TRIM14: variants seen among roughly 807,000 people sequenced by gnomAD.
TRIM14 encodes tripartite motif containing 14, also known as tripartite motif-containing protein 14.
TRIM14 carries 28 observed loss-of-function variants against 44.5 expected under a neutral mutation model. The observed-to-expected ratio is 0.63, with a 90% confidence interval of 0.47 to 0.86. The LOEUF is 0.86. Among genes scored for constraint, TRIM14 ranks in the 40% least tolerant of loss-of-function variants. The pLI is 0.00. For synonymous variants in TRIM14, 299 were observed against 269.2 expected, an observed-to-expected ratio of 1.11 and a Z score of -1.08; for missense variants, 607 against 611.1, an observed-to-expected ratio of 0.99 and a Z score of 0.07.
chr9:98,107,628 G>A (rs1048838732), intron 2 of TRIM14, among the ~76,000 whole-genome samples: 2 of 151,886 alleles, frequency 1.3e-5, no homozygotes, highest in African/African-American at 4.8e-5. Context: ...GGGATTGGTC[G>A]GGGGGATACA....
chr9:98,097,412 CCT>C (rs1410509396), intron 3 of TRIM14, among the ~76,000 whole-genome samples: 1 of 152,126 alleles, frequency 6.6e-6, no homozygotes, highest in African/African-American at 2.4e-5. Context: ...TCCTGTCTGT[CCT>C]CTCTGCGTCC....
chr9:98,101,464 C>T lies in TRIM14; in HGVS notation c.304-1300G>A, dbSNP rs148492263. Among the ~76,000 whole-genome samples the T allele has an allele frequency of 1.2e-3, 172 of 149,104 alleles. 1 individual carries two copies. Among genetic ancestry groups the T allele is most frequent in the Admixed American group, 3.5e-3 (52 of 14,856 alleles). ...TTTTCAGACGAAGTTTTGCTCTTGTCGCCTAGGCTGGAGTGCAATGGCAAG... is the reference window on the plus strand; with the variant it reads ...TTTTCAGACGAAGTTTTGCTCTTGTTGCCTAGGCTGGAGTGCAATGGCAAG... On this transcript the variant is annotated intron_variant, in intron 2 of 5. Coordinates refer to ENST00000341469, the MANE Select transcript of TRIM14 (RefSeq NM_014788.4).
the TRIM14 span, among the ~76,000 whole-genome samples, chr9:98,047,984 G>A: frequency 4.0e-5 from 6 of 151,312 alleles, no homozygotes; most frequent in Non-Finnish European, 7.4e-5. Flanking sequence ...AGAATCGCTT[G>A]AACCCAGAAG....
downstream of TRIM14, among the ~76,000 whole-genome samples, chr9:98,080,357 G>A (rs552778925): frequency 1.3e-5 from 2 of 152,280 alleles, no homozygotes; most frequent in Admixed American, 1.3e-4. Flanking sequence ...ATAGATAACG[G>A]ATTAATTATT....
intron 6 of TRIM14, among the ~76,000 whole-genome samples, chr9:98,072,642 C>A (rs1829393218): frequency 6.6e-6 from 1 of 152,100 alleles, no homozygotes; most frequent in South Asian, 2.1e-4. Flanking sequence ...AACTCCTGAC[C>A]TCATGATCCA....
intron 2 of TRIM14, among the ~76,000 whole-genome samples, chr9:98,106,127 T>C (rs1826601369): frequency 6.6e-6 from 1 of 152,142 alleles, no homozygotes; most frequent in African/African-American, 2.4e-5. Flanking sequence ...TGGACATCTA[T>C]GGTAAATAGC....
At chr9:98,061,550 G>A in the TRIM14 span, among the ~76,000 whole-genome samples, 1 of 150,358 alleles carries the variant, frequency 6.7e-6, no homozygotes, top group South Asian at 2.1e-4. Flanking sequence ...GGGAGGCTGA[G>A]ACAGGCAGGT....
At chr9:98,050,601 C>T in the TRIM14 span, among the ~76,000 whole-genome samples, 1 of 152,098 alleles carries the variant, frequency 6.6e-6, no homozygotes, top group Non-Finnish European at 1.5e-5. Context: ...ACAATGGCCT[C>T]CCCTAATTTT....
chr9:98,110,362 C>A (rs1564189168), intron 1 of TRIM14: 4 of 211,522 alleles, frequency 1.9e-5, no homozygotes, highest in Non-Finnish European at 3.9e-5. Context: ...ATGTGCTGGG[C>A]CCTGTTCCAG....
chr9:98,101,813 T>G (rs1826403409), intron 2 of TRIM14, among the ~76,000 whole-genome samples: 2 of 152,046 alleles, frequency 1.3e-5, no homozygotes. Context: ...TGAAGATTTG[T>G]GTACCAAGAT....
the TRIM14 span, among the ~76,000 whole-genome samples, chr9:98,057,902 GTT>G: frequency 3.2e-3 from 295 of 93,254 alleles, 3 homozygotes; most frequent in African/African-American, 9.1e-3. Context: ...TTCTCTTACT[GTT>G]TTTTTTTTTT....
At chr9:98,045,305 G>A in the TRIM14 span, among the ~76,000 whole-genome samples, 1 of 152,154 alleles carries the variant, frequency 6.6e-6, no homozygotes, top group Admixed American at 6.5e-5. Context: ...GTCATCTCTG[G>A]TATCTCTTGT....
At chr9:98,092,864 G>A (rs1826049183) in intron 4 of TRIM14, among the ~76,000 whole-genome samples, 1 of 152,118 alleles carries the variant, frequency 6.6e-6, no homozygotes, top group Non-Finnish European at 1.5e-5. Context: ...CTTCCACCAC[G>A]TGGCTGTGCT....
chr9:98,100,124 A>T lies in TRIM14; in HGVS notation c.344T>A (p.Phe115Tyr). Reference sequence around the variant, plus strand: ...GTCAAGTAGTAATCTGAGTTCAGTGAATTTCCCCTTCAGCCAGGTTTTACT... The same window carrying T: ...GTCAAGTAGTAATCTGAGTTCAGTGTATTTCCCCTTCAGCCAGGTTTTACT... ...ESSKTWLKGK[F>Y]TELRLLLDEE... Residue 115 changes from phenylalanine to tyrosine, a missense_variant, in exon 3 of 6, where the codon TTC (phenylalanine) becomes TAC (tyrosine). Physicochemically the swap from Phe to Tyr is conservative, Grantham distance 22 (BLOSUM62 3). Transcript: ENST00000341469. The T allele has an allele frequency of 1.2e-6, 2 of 1,614,172 alleles. No homozygotes were observed. The highest frequency in any genetic ancestry group is 8.5e-7 in the Non-Finnish European group (1 of 1,180,042).
chr9:98,042,797 G>A, the TRIM14 span, among the ~76,000 whole-genome samples: 1 of 151,648 alleles, frequency 6.6e-6, no homozygotes, highest in Non-Finnish European at 1.5e-5. Flanking sequence ...TTGAACCTGG[G>A]AGATGGAGGT....
At chr9:98,038,646 G>T in the TRIM14 span, among the ~76,000 whole-genome samples, 4 of 151,998 alleles carry the variant, frequency 2.6e-5, no homozygotes, top group African/African-American at 4.8e-5. Flanking sequence ...ATACAAAACT[G>T]CAATAGCTTT....
chr9:98,053,836 T>TAAATAAATAAATAG, the TRIM14 span, among the ~76,000 whole-genome samples: 1 of 68,882 alleles, frequency 1.5e-5, no homozygotes, highest in Non-Finnish European at 3.1e-5. Context: ...TAAATAAATA[T>TAAATAAATAAATAG]CATCCTTTTC....
Position 98,092,000 on chromosome 9 carries a change from G to T in TRIM14, c.702C>A (p.Ser234Arg). The change falls in exon 5 of 6, where the codon AGC becomes AGA. Residue 234 changes from serine (S) to arginine (R), a missense_variant and splice_region_variant. Ser to Arg is a moderately radical substitution (Grantham distance 110, BLOSUM62 -1). Coordinates refer to ENST00000341469, the MANE Select transcript of TRIM14 (RefSeq NM_014788.4). ...AAGGGTCTGAGAGCTGGCAGTTTAT[G>T]CCTGTAAGGAATTGTTGAGAAATGA... ...QTPLDIRLKE[S>R]INCQLSDPSS... The T allele has an allele frequency of 3.7e-6, 6 of 1,605,802 alleles. No homozygotes were observed. Among genetic ancestry groups the T allele is most frequent in the Non-Finnish European group, 5.1e-6 (6 of 1,174,852 alleles).
At chr9:98,078,021 G>A (rs1829668005) in intron 6 of TRIM14, 7 of 896,000 alleles carry the variant, frequency 7.8e-6, no homozygotes, top group Non-Finnish European at 1.2e-5. Flanking sequence ...TCCTGTGGCC[G>A]AGGGCAGGAA....
Sources: gnomAD v4.1 joint callset for allele counts (sites outside exome capture counted in the v4.1 genomes callset) on GRCh38, gnomAD v4.1.1 for gene constraint, MANE v1.5 for transcripts, NCBI Gene and HGNC (gene_info 2026-07-23, HGNC 2026-07-21) for gene names.